The following MUC13 variants were observed in gnomAD, a reference collection of about 807,000 sequenced individuals.
MUC13 encodes mucin 13, cell surface associated.
MUC13 carries 32 observed loss-of-function variants against 48.3 expected under a neutral mutation model. The ratio of observed to expected loss-of-function variants is 0.66; its 90% CI spans 0.50 to 0.89. MUC13 has a LOEUF of 0.89. MUC13 is among the 40% of genes least tolerant of loss of function. The pLI is 0.00. For missense variants in MUC13, 571 were observed against 622.8 expected (o/e 0.92, Z 0.88); for synonymous variants, 199 against 224.9 (o/e 0.88, Z 1.03).
rs761903293 is a variant in MUC13, at chr3:124,922,230, G to C, written c.711C>G (p.Ala237=). 2.5e-6 allele frequency: 4 copies of C among 1,614,100 alleles called. No homozygotes were observed. The change falls in exon 4 of 12, where the codon GCC becomes GCG. Residue 237 remains alanine, a synonymous_variant. Coordinates refer to ENST00000616727, the MANE Select transcript of MUC13 (RefSeq NM_033049.4). ...TAATTTCACTATGCAAGTCTTGATA[G>C]GCCATGGAATGTTTCTCTTCTGGGT... ...TFDPEEKHSM[A]YQDLHSEITS...
intron 3 of MUC13, 34 bp from the exon 4 acceptor site, chr3:124,922,337 G>T: frequency 6.3e-7 from 1 of 1,598,438 alleles, no homozygotes; most frequent in East Asian, 2.2e-5. Context: ...TGTACTATTT[G>T]ATGAAAAGAG....
chr3:124,925,322 A>G (rs991971035), intron 2 of MUC13, among the ~76,000 whole-genome samples: 3 of 152,170 alleles, frequency 2.0e-5, no homozygotes, highest in African/African-American at 7.2e-5. Context: ...AGAGGGGAGG[A>G]TGAAAAGTGC....
At chr3:124,926,591 G>A (rs998137621) in intron 2 of MUC13, among the ~76,000 whole-genome samples, 16 of 152,264 alleles carry the variant, frequency 1.1e-4, no homozygotes, top group African/African-American at 3.9e-4. Context: ...TTAAGGGTAG[G>A]GAGACATCCA....
chr3:124,912,997 A>G, intron 8 of MUC13, 114 bp downstream of exon 8: 1 of 1,202,818 alleles, frequency 8.3e-7, no homozygotes, highest in East Asian at 2.6e-5. Flanking sequence ...TGTCTCTACC[A>G]ACCTATGACA....
At chr3:124,923,381 T>C in intron 3 of MUC13, 146 bp downstream of exon 3, 1 of 799,970 alleles carries the variant, frequency 1.3e-6, no homozygotes, top group Non-Finnish European at 1.9e-6. Context: ...TAACAGCACT[T>C]TTCTCTACTT....
At chr3:124,920,846 C>G (rs1282420779) in intron 4 of MUC13, among the ~76,000 whole-genome samples, 2 of 152,206 alleles carry the variant, frequency 1.3e-5, no homozygotes, top group African/African-American at 2.4e-5. Context: ...TCCGTGCTGG[C>G]ACATTTGAAA....
At chr3:124,923,774 C>G (rs1935645379) in intron 2 of MUC13, 125 bp from the exon 3 acceptor site, 11 of 899,388 alleles carry the variant, frequency 1.2e-5, no homozygotes, top group Non-Finnish European at 1.5e-5. Context: ...TGTTACTCCA[C>G]AGCACACTTT....
At chr3:124,920,189 A>C (rs944463250) in intron 5 of MUC13, 45 bp downstream of exon 5, 2 of 1,528,802 alleles carry the variant, frequency 1.3e-6, no homozygotes, top group Non-Finnish European at 1.8e-6. Flanking sequence ...CTCGGAAGTT[A>C]GACAGACACA....
rs1369932136 is a variant in MUC13 at position 124,933,030 on chromosome 3, C to A, written c.52+1631G>T. Among the ~76,000 whole-genome samples the A allele has an allele frequency of 3.3e-5, 5 of 152,070 alleles. No individual in the cohort carries two copies. In the South Asian group the frequency reaches 1.0e-3, roughly 32 times the overall value. Reference sequence around the variant, plus strand: ...CTCCTGAAAGTCATACAAGCCTCACCAATTCTTCCTTTGTCCTGAAGGCTT... The same window carrying A: ...CTCCTGAAAGTCATACAAGCCTCACAAATTCTTCCTTTGTCCTGAAGGCTT... On this transcript the variant is annotated intron_variant, in intron 1 of 11. Coordinates refer to ENST00000616727, the MANE Select transcript of MUC13 (RefSeq NM_033049.4).
Position 124,905,483 on chromosome 3 carries a change from T to A in MUC13, c.*1260A>T, listed in dbSNP as rs1224706845. 1 of 151,460 alleles carries A rather than the reference T, an allele frequency of 6.6e-6. No individual in the cohort carries two copies. Among genetic ancestry groups the A allele is most frequent in the Non-Finnish European group, 1.5e-5 (1 of 67,896 alleles). The allele number at this position is 151,460 out of a possible 1,614,324, so 9.4% of individuals were successfully genotyped here. A position where few individuals can be genotyped will look rare whatever the true frequency, so the allele number is the denominator to read the frequency against. On this transcript the variant is annotated 3_prime_UTR_variant, in exon 12 of 12. Transcript: ENST00000616727. ...CACTTTATTGCATTACCATTCACAA[T>A]TAACAGTCAAGAACAAATAATAATA... is the stretch of plus-strand genomic sequence containing the variant.
At chr3:124,912,961 A>AAAAATTT in intron 8 of MUC13, 150 bp downstream of exon 8, 1 of 609,684 alleles carries the variant, frequency 1.6e-6, no homozygotes, top group Non-Finnish European at 2.5e-6. Context: ...AAAAAAAACT[A>AAAAATTT]TTGATGATGA....
chr3:124,927,819 G>A lies in MUC13; in HGVS notation c.227C>T (p.Thr76Ile), dbSNP rs1173919200. Residue 76 changes from threonine (T) to isoleucine (I), a missense_variant, in exon 2 of 12, where the codon ACA (threonine) becomes ATA (isoleucine). Physicochemically the swap from Thr to Ile is moderately conservative, Grantham distance 89. Transcript: ENST00000616727. ...ATSPAPPIIS[T>I]HSSSTIPTPA... is the part of the protein sequence containing the mutation. ...TGTAGGAATTGTGGAGGAACTATGT[G>A]TACTAATTATGGGGGGAGCAGGTGA... 4.3e-6 allele frequency: 7 copies of A among 1,614,042 alleles called. No homozygotes were observed. The highest frequency in any genetic ancestry group is 5.9e-6 in the Non-Finnish European group (7 of 1,180,040).
intron 9 of MUC13, among the ~76,000 whole-genome samples, chr3:124,911,077 A>C (rs1049167915): frequency 1.3e-5 from 2 of 152,348 alleles, no homozygotes; most frequent in Middle Eastern, 3.4e-3. Flanking sequence ...AAAAAATGTG[A>C]GAGAATTGGT....
At position 124,908,134 on chromosome 3, in the gene MUC13, C is replaced by T; in HGVS notation, c.*13G>A. Reference sequence around the variant, plus strand: ...TCACTCCCAAAAGCAGGAGAAAAAGCCCACTGACTCACCTAATAGTCAGGG... The same window carrying T: ...TCACTCCCAAAAGCAGGAGAAAAAGTCCACTGACTCACCTAATAGTCAGGG... On this transcript the variant is annotated intron_variant, in intron 11 of 11. Transcript: ENST00000616727. 6.2e-7 allele frequency: 1 copy of T among 1,613,816 alleles called. No homozygotes were observed. The highest frequency in any genetic ancestry group is 8.5e-7 in the Non-Finnish European group (1 of 1,179,870).
intron 2 of MUC13, among the ~76,000 whole-genome samples, chr3:124,924,809 T>G (rs185463913): frequency 1.1e-4 from 16 of 152,294 alleles, no homozygotes; most frequent in African/African-American, 3.8e-4. Flanking sequence ...TAATTTACTT[T>G]TATTAAAAAA....
chr3:124,913,008 G>A lies in MUC13; in HGVS notation c.1214+103C>T, dbSNP rs147181828. 5.3e-3 allele frequency: 7,072 copies of A among 1,336,628 alleles called. 31 individuals carry two copies. The highest frequency in any genetic ancestry group is 6.5e-3 in the Non-Finnish European group (6,459 of 993,910). 82.8% of individuals were successfully genotyped at this position (1,336,628 alleles called of 1,614,324 possible). A position where few individuals can be genotyped will look rare whatever the true frequency, so the allele number is the denominator to read the frequency against. On this transcript the variant is annotated intron_variant, in intron 8 of 11. Coordinates refer to ENST00000616727, the MANE Select transcript of MUC13 (RefSeq NM_033049.4). ...ATGCTGTCTCTACCAACCTATGACA[G>A]CTTACCAGCTTCCTGACTCAACACC...
intron 1 of MUC13, among the ~76,000 whole-genome samples, chr3:124,929,422 A>T (rs564649352): frequency 2.0e-5 from 3 of 152,292 alleles, no homozygotes; most frequent in African/African-American, 7.2e-5. Flanking sequence ...TTGAAAGAAA[A>T]AGGTTTAGTG....
intron 7 of MUC13, among the ~76,000 whole-genome samples, 160 bp from the exon 8 acceptor site, chr3:124,913,400 G>A (rs562727447): frequency 1.3e-5 from 2 of 152,288 alleles, no homozygotes; most frequent in Non-Finnish European, 2.9e-5. Flanking sequence ...AGCTGGACAT[G>A]GGCTAGCAAA....
chr3:124,928,083 T>A, intron 1 of MUC13, 90 bp from the exon 2 acceptor site: 7 of 197,364 alleles, frequency 3.5e-5, no homozygotes, highest in South Asian at 2.6e-4. Flanking sequence ...CAACTCATTC[T>A]TTTTTTTTTT....
Sources: allele counts gnomAD v4.1 joint callset (sites outside exome capture counted in the v4.1 genomes callset), GRCh38; gene constraint gnomAD v4.1.1; transcripts MANE v1.5; gene names NCBI Gene and HGNC (gene_info 2026-07-23, HGNC 2026-07-21).